XDH: variants seen among roughly 807,000 people sequenced by gnomAD.
XDH encodes the protein xanthine dehydrogenase/oxidase.
XDH carries 138 observed loss-of-function variants against 156.1 expected under a neutral mutation model. The observed-to-expected ratio is 0.88, with a 90% CI of 0.77 to 1.02. The LOEUF is 1.02. Among genes scored for constraint, XDH ranks in the 50% least tolerant of loss-of-function variants. XDH has a pLI of 0.00. For synonymous variants in XDH, 669 were observed against 625.7 expected, an observed-to-expected ratio of 1.07 and a Z score of -1.03; for missense variants, 1,849 against 1,684.9, an observed-to-expected ratio of 1.10 and a Z score of -1.71.
At chr2:31,364,899 G>C (rs1685867654) in intron 23 of XDH, among the ~76,000 whole-genome samples, 1 of 152,210 alleles carries the variant, frequency 6.6e-6, no homozygotes, top group South Asian at 2.1e-4. Context: ...GGTTTCTAGA[G>C]CTAGGCGGAG....
chr2:31,384,964 T>C (rs899495606), intron 9 of XDH, among the ~76,000 whole-genome samples: 1 of 152,178 alleles, frequency 6.6e-6, no homozygotes, highest in Admixed American at 6.5e-5. Context: ...AAGGAAATGG[T>C]CTTGAGAAAT....
At position 31,350,142 on chromosome 2, in the gene XDH, T is replaced by G; in HGVS notation, c.2713A>C (p.Asn905His). 1 of 1,614,184 alleles carries G rather than the reference T, an allele frequency of 6.2e-7. No homozygotes were observed. The highest frequency in any genetic ancestry group is 8.5e-7 in the Non-Finnish European group (1 of 1,180,032). ...CGGAAGGCCGTGTTGGAGGGAAGGT[T>G]GGTTTTGCACAGCCGCCCAGTGCCC... ...IRGTGRLCKTNLPSNTAFRGF... is the reference protein window; with the variant it reads ...IRGTGRLCKTHLPSNTAFRGF... Residue 905 changes from asparagine to histidine, a missense_variant, in exon 25 of 36, where the codon AAC becomes CAC. Coordinates refer to ENST00000379416, the MANE Select transcript of XDH (RefSeq NM_000379.4).
chr2:31,378,276 T>C (rs1686331551), intron 13 of XDH, among the ~76,000 whole-genome samples: 1 of 152,084 alleles, frequency 6.6e-6, no homozygotes, highest in African/African-American at 2.4e-5. Flanking sequence ...ACATTTTCCT[T>C]CCTGGGTTCG....
At chr2:31,369,519 C>T (rs1686014155) in intron 18 of XDH, among the ~76,000 whole-genome samples, 1 of 152,220 alleles carries the variant, frequency 6.6e-6, no homozygotes, top group Non-Finnish European at 1.5e-5. Context: ...GTATGCATGT[C>T]TCTGATAATT....
Position 31,354,795 on chromosome 2 carries a change from T to C in XDH, c.2632-4572A>G, listed in dbSNP as rs913990949. Among the ~76,000 whole-genome samples, 5 of 152,214 alleles carry C rather than the reference T, an allele frequency of 3.3e-5. No homozygotes were observed. In the South Asian group the frequency reaches 6.2e-4, roughly 19 times the overall value. On this transcript the variant is annotated intron_variant, in intron 24 of 35. Coordinates refer to ENST00000379416, the MANE Select transcript of XDH (RefSeq NM_000379.4). ...ACAGTTTCAAGGACATTTGGGACTA[T>C]AACAAAAGACCTAACACTCATGCCA...
At chr2:31,400,925 C>A (rs1687041027) in intron 4 of XDH, among the ~76,000 whole-genome samples, 1 of 152,226 alleles carries the variant, frequency 6.6e-6, no homozygotes, top group African/African-American at 2.4e-5. Flanking sequence ...TGCATCCCTT[C>A]CTCCAAGTTC....
At chr2:31,339,260 G>A (rs1417343476) in intron 34 of XDH, among the ~76,000 whole-genome samples, 3 of 152,058 alleles carry the variant, frequency 2.0e-5, no homozygotes, top group African/African-American at 7.2e-5. Flanking sequence ...CCAAAGAAGT[G>A]GGCTTCAGAC....
Position 31,342,408 on chromosome 2 carries a change from T to C in XDH, c.3405-111A>G, listed in dbSNP as rs1685149445. The C allele has an allele frequency of 3.3e-6, 3 of 908,098 alleles. No homozygotes were observed. In the African/African-American group the frequency reaches 4.9e-5, roughly 15 times the overall value. 56.3% of individuals were successfully genotyped at this position (908,098 alleles called of 1,614,324 possible). ...CTTTAAACCCCACAAGTTTTTGCAT[T>C]CAGCTGTTCTCCAAAAAAGTCCATG... On this transcript the variant is annotated intron_variant, in intron 31 of 35. Transcript: ENST00000379416.
intron 6 of XDH, among the ~76,000 whole-genome samples, chr2:31,391,124 T>C (rs933481258): frequency 1.3e-5 from 2 of 152,230 alleles, no homozygotes; most frequent in African/African-American, 4.8e-5. Context: ...AGGTTTATGA[T>C]TCATTTTGAG....
intron 15 of XDH, 90 bp from the exon 16 acceptor site, chr2:31,374,046 A>T: frequency 7.7e-7 from 1 of 1,296,882 alleles, no homozygotes; most frequent in Non-Finnish European, 1.1e-6. Flanking sequence ...CAAACTGATA[A>T]CTGATCCCCT....
At chr2:31,362,209 G>A (rs10190201) in intron 24 of XDH, among the ~76,000 whole-genome samples, 58,844 of 151,944 alleles carry the variant, frequency 0.39, 13,659 homozygotes, top group Non-Finnish European at 0.51. Flanking sequence ...TGCTATGTTC[G>A]AGGCACCATT....
intron 5 of XDH, among the ~76,000 whole-genome samples, 199 bp downstream of exon 5, chr2:31,398,374 A>G (rs1686967942): frequency 6.6e-6 from 1 of 152,198 alleles, no homozygotes; most frequent in African/African-American, 2.4e-5. Flanking sequence ...AGACCCCAGG[A>G]GGTCTCCACA....
intron 23 of XDH, among the ~76,000 whole-genome samples, chr2:31,364,566 T>C (rs572508656): frequency 2.6e-5 from 4 of 151,766 alleles, no homozygotes; most frequent in African/African-American, 2.4e-5. Context: ...CTGGTCACGA[T>C]AGGGCGGGGG....
intron 1 of XDH, among the ~76,000 whole-genome samples, chr2:31,411,264 C>G (rs206808): frequency 0.53 from 77,017 of 146,352 alleles, 20,457 homozygotes; most frequent in African/African-American, 0.6. Flanking sequence ...CTGGGCGACA[C>G]AGTGAAACCC....
chr2:31,352,871 C>G (rs559157730), intron 24 of XDH, among the ~76,000 whole-genome samples: 57 of 147,632 alleles, frequency 3.9e-4, no homozygotes, highest in Middle Eastern at 3.5e-3. Flanking sequence ...TCGGCTTTTC[C>G]TGAAAACTTT....
chr2:31,351,061 GTCTT>G (rs753720829), intron 24 of XDH, among the ~76,000 whole-genome samples: 1 of 152,078 alleles, frequency 6.6e-6, no homozygotes, highest in Non-Finnish European at 1.5e-5. Flanking sequence ...CTTTTAGGTT[GTCTT>G]TCTTTTATGG....
intron 16 of XDH, 65 bp downstream of exon 16, chr2:31,373,808 G>T: frequency 1.3e-6 from 2 of 1,540,588 alleles, no homozygotes; most frequent in East Asian, 2.3e-5. Flanking sequence ...CCGATGGTCA[G>T]CCACTAGCCA....
intron 7 of XDH, 96 bp from the exon 8 acceptor site, chr2:31,387,993 C>A: frequency 7.4e-7 from 1 of 1,359,422 alleles, no homozygotes; most frequent in South Asian, 1.3e-5. Flanking sequence ...AGCTCATTCC[C>A]AGCCCCCTGC....
intron 33 of XDH, 25 bp from the exon 34 acceptor site, chr2:31,339,702 T>C: frequency 6.2e-7 from 1 of 1,612,794 alleles, no homozygotes; most frequent in African/African-American, 1.3e-5. Context: ...GAGAGCACAG[T>C]TAGCCTGCCA....
Sources: gnomAD v4.1 joint callset for allele counts (sites outside exome capture counted in the v4.1 genomes callset) on GRCh38, gnomAD v4.1.1 for gene constraint, MANE v1.5 for transcripts, NCBI Gene and HGNC (gene_info 2026-07-23, HGNC 2026-07-21) for gene names.